PTPRD: variants seen among roughly 807,000 people sequenced by gnomAD.
PTPRD encodes receptor-type tyrosine-protein phosphatase delta.
PTPRD carries 34 observed loss-of-function variants against 214.5 expected under a neutral mutation model. That is an observed-to-expected ratio of 0.16 (90% confidence interval 0.12 to 0.21). The LOEUF (loss-of-function observed/expected upper bound fraction) is 0.21, where lower values mean the gene tolerates loss of function less well. Among genes scored for constraint, PTPRD ranks in the 10% least tolerant of loss-of-function variants. The probability of loss-of-function intolerance (pLI) is 1.00; values close to 1 mark genes in which losing one functional copy is unlikely to be tolerated. For missense variants in PTPRD, 2,545 were observed against 2,398.7 expected (o/e 1.06, Z -1.27); for synonymous variants, 1,128 against 845.7 (o/e 1.33, Z -5.79).
chr9:9,299,902 T>A (rs372074583), intron 9 of PTPRD, among the ~76,000 whole-genome samples: 1 of 150,950 alleles, frequency 6.6e-6, no homozygotes, highest in Admixed American at 6.7e-5. Context: ...AGATCTAATT[T>A]ATACATTTTT....
chr9:9,880,245 GCCTC>G (rs1431536332), intron 5 of PTPRD, among the ~76,000 whole-genome samples: 11 of 152,026 alleles, frequency 7.2e-5, no homozygotes, highest in Non-Finnish European at 1.5e-4. Context: ...GTTTCCTGAG[GCCTC>G]CTCAGCCATG....
At chr9:8,803,975 C>T (rs1302140789) in intron 11 of PTPRD, among the ~76,000 whole-genome samples, 3 of 151,802 alleles carry the variant, frequency 2.0e-5, no homozygotes, top group East Asian at 1.9e-4. Context: ...CCCCCACAGA[C>T]GGAGTCTCGC....
At chr9:8,405,375 T>C (rs971564751) in intron 35 of PTPRD, among the ~76,000 whole-genome samples, 4 of 152,130 alleles carry the variant, frequency 2.6e-5, no homozygotes, top group Admixed American at 1.3e-4. Flanking sequence ...TTGCTTTTTA[T>C]TCTTGATTTT....
intron 21 of PTPRD, among the ~76,000 whole-genome samples, chr9:8,515,477 A>C (rs543667437): frequency 2.6e-4 from 40 of 152,330 alleles, no homozygotes; most frequent in Admixed American, 2.5e-3. Flanking sequence ...CCTCATCCCC[A>C]GTACCTCAGA....
intron 3 of PTPRD, among the ~76,000 whole-genome samples, chr9:10,154,247 G>A (rs1355940792): frequency 2.0e-5 from 3 of 151,864 alleles, no homozygotes; most frequent in Non-Finnish European, 2.9e-5. Flanking sequence ...TTTTTATATG[G>A]TTGTTGGCTG....
At chr9:8,932,750 T>G (rs1409835090) in intron 11 of PTPRD, among the ~76,000 whole-genome samples, 1 of 152,168 alleles carries the variant, frequency 6.6e-6, no homozygotes, top group Non-Finnish European at 1.5e-5. Flanking sequence ...CAGGTTGACT[T>G]CAGACTGCTG....
At position 9,590,245 on chromosome 9, in the gene PTPRD, A is replaced by T. The variant is rs562564371; in HGVS notation, c.-286-15464T>A. ...TTCCACAGGGCAATATATCACAAGA[A>T]TTTTTTTCTGTATTATGACAGAATG... On this transcript the variant is annotated intron_variant, in intron 7 of 45. Transcript: ENST00000381196. Among the ~76,000 whole-genome samples, 430 of 151,930 alleles carry T rather than the reference A, an allele frequency of 2.8e-3. 1 individual carries two copies. Among genetic ancestry groups the T allele is most frequent in the Non-Finnish European group, 3.7e-3 (252 of 67,924 alleles).
At chr9:10,611,576 T>C (rs1369294190) in intron 2 of PTPRD, among the ~76,000 whole-genome samples, 1 of 152,178 alleles carries the variant, frequency 6.6e-6, no homozygotes, top group African/African-American at 2.4e-5. Flanking sequence ...ATGCTACAGC[T>C]ACTGACATGG....
At chr9:9,539,478 C>A (rs1352389399) in intron 8 of PTPRD, among the ~76,000 whole-genome samples, 2 of 151,810 alleles carry the variant, frequency 1.3e-5, no homozygotes, top group East Asian at 3.9e-4. Context: ...CTTTGGGGGT[C>A]CAACTCTAAA....
At chr9:8,742,802 G>A (rs1244864595) in intron 11 of PTPRD, among the ~76,000 whole-genome samples, 4 of 151,960 alleles carry the variant, frequency 2.6e-5, no homozygotes, top group African/African-American at 4.8e-5. Flanking sequence ...TTAGCGCCTC[G>A]CAGGTGTAAT....
intron 10 of PTPRD, among the ~76,000 whole-genome samples, chr9:9,098,572 T>C (rs2099786972): frequency 6.6e-6 from 1 of 152,164 alleles, no homozygotes; most frequent in Non-Finnish European, 1.5e-5. Flanking sequence ...TAGTTATTAT[T>C]TACATTTATT....
At chr9:8,930,836 A>C (rs1411437270) in intron 11 of PTPRD, among the ~76,000 whole-genome samples, 1 of 151,692 alleles carries the variant, frequency 6.6e-6, no homozygotes, top group African/African-American at 2.4e-5. Context: ...AATTTGTTTG[A>C]GTTCTTTGTA....
chr9:8,524,897 A>C (rs1207040458), intron 18 of PTPRD, 28 bp downstream of exon 18: 1 of 1,586,702 alleles, frequency 6.3e-7, no homozygotes, highest in Non-Finnish European at 8.7e-7. Flanking sequence ...TGAATGAAGA[A>C]GCGATGCCAG....
At chr9:9,327,295 C>G (rs1472732311) in intron 9 of PTPRD, among the ~76,000 whole-genome samples, 1 of 152,148 alleles carries the variant, frequency 6.6e-6, no homozygotes, top group African/African-American at 2.4e-5. Context: ...TTGGAATATT[C>G]CCTGTTCTAG....
chr9:10,575,542 C>T (rs1033294042), intron 2 of PTPRD, among the ~76,000 whole-genome samples: 1 of 151,982 alleles, frequency 6.6e-6, no homozygotes, highest in Non-Finnish European at 1.5e-5. Context: ...AAAAAGTCTT[C>T]TTTTAAATCA....
At chr9:8,413,282 C>A (rs757383517) in intron 35 of PTPRD, among the ~76,000 whole-genome samples, 22 of 152,098 alleles carry the variant, frequency 1.4e-4, no homozygotes, top group Non-Finnish European at 1.5e-4. Context: ...GTTTCAGATG[C>A]AGGTGGAGGG....
chr9:9,472,122 A>T (rs1228718956), intron 8 of PTPRD, among the ~76,000 whole-genome samples: 3 of 151,886 alleles, frequency 2.0e-5, no homozygotes, highest in Non-Finnish European at 4.4e-5. Flanking sequence ...CATTTTAATT[A>T]CAAAAGGACG....
chr9:8,908,992 T>C lies in PTPRD; in HGVS notation c.-104+109705A>G, dbSNP rs1274995758. Among the ~76,000 whole-genome samples the C allele has an allele frequency of 5.2e-4, 78 of 150,404 alleles. 2 individuals carry two copies. Among genetic ancestry groups the C allele is most frequent in the Admixed American group, 5.1e-3 (77 of 15,044 alleles). On this transcript the variant is annotated intron_variant, in intron 11 of 45. Transcript: ENST00000381196. Reference sequence around the variant, plus strand: ...ATGTATAATTACATATGATATAAAATATATAATTATGGAAAACTTTAAAAC... The same window carrying C: ...ATGTATAATTACATATGATATAAAACATATAATTATGGAAAACTTTAAAAC...
At chr9:8,994,415 G>C (rs938375777) in intron 11 of PTPRD, among the ~76,000 whole-genome samples, 1 of 152,062 alleles carries the variant, frequency 6.6e-6, no homozygotes, top group East Asian at 1.9e-4. Context: ...ATGAAAACAG[G>C]TTTCTTTTAT....
Sources: gnomAD v4.1 joint callset for allele counts (sites outside exome capture counted in the v4.1 genomes callset) on GRCh38, gnomAD v4.1.1 for gene constraint, MANE v1.5 for transcripts, NCBI Gene and HGNC (gene_info 2026-07-23, HGNC 2026-07-21) for gene names.